Variants in PCDHGB6 observed in about 807,000 individuals in gnomAD.
PCDHGB6 encodes the protein protocadherin gamma-B6.
PCDHGB6 carries 51 observed loss-of-function variants against 59.1 expected under a neutral mutation model. The ratio of observed to expected loss-of-function variants is 0.86; its 90% confidence interval spans 0.69 to 1.09. The LOEUF (loss-of-function observed/expected upper bound fraction) is 1.09, where lower values mean the gene tolerates loss of function less well. PCDHGB6 is among the 50% of genes least tolerant of loss of function. The pLI is 0.00. For missense variants in PCDHGB6, 1,148 were observed against 1,205.1 expected (o/e 0.95, Z 0.70); for synonymous variants, 466 against 495.1 (o/e 0.94, Z 0.78).
At chr5:141,464,096 C>T (rs2099075769) in intron 1 of PCDHGB6, among the ~76,000 whole-genome samples, 1 of 152,016 alleles carries the variant, frequency 6.6e-6, no homozygotes, top group African/African-American at 2.4e-5. Context: ...GAAACTCCGT[C>T]TCTACTAAAA....
intron 1 of PCDHGB6, chr5:141,423,297 C>T: frequency 1.9e-6 from 3 of 1,614,170 alleles, no homozygotes; most frequent in South Asian, 1.1e-5. Flanking sequence ...CCTCAGACCT[C>T]TCGCTGTACT....
Position 141,409,830 on chromosome 5 carries a change from G to T in PCDHGB6, c.1628G>T (p.Ser543Ile). The change falls in exon 1 of 4, where the codon AGC (serine) becomes ATC (isoleucine). Residue 543 changes from serine to isoleucine, a missense_variant. Around this residue, in one of 5 missense-constraint regions of PCDHGB6, gnomAD observed 549 missense variants for 527.5 expected, o/e 1.04. Coordinates refer to ENST00000520790, the MANE Select transcript of PCDHGB6 (RefSeq NM_018926.3). ...QARDHGSPTL[S>I]ANVSLRVLVG... ...CGCGACCACGGCTCGCCCACGCTCA[G>T]CGCCAACGTGAGCCTGCGCGTGTTG... 1 of 1,611,250 alleles carries T rather than the reference G, an allele frequency of 6.2e-7. No individual in the cohort carries two copies. The highest frequency in any genetic ancestry group is 1.1e-5 in the South Asian group (1 of 90,912).
At chr5:141,466,004 C>T (rs1336655723) in intron 1 of PCDHGB6, among the ~76,000 whole-genome samples, 1 of 151,920 alleles carries the variant, frequency 6.6e-6, no homozygotes, top group Non-Finnish European at 1.5e-5. Flanking sequence ...CACCTGTAGT[C>T]CCAGCTACTC....
chr5:141,508,241 T>G (rs1475142426), intron 3 of PCDHGB6: 2 of 152,286 alleles, frequency 1.3e-5, no homozygotes, highest in East Asian at 3.9e-4. Context: ...CTCCTAAGTC[T>G]GCCTCTCCTG....
In PCDHGB6 at chr5:141,408,903, A is replaced by C; in HGVS notation, c.701A>C (p.Asp234Ala). The change falls in exon 1 of 4, where the codon GAT (aspartate) becomes GCT (alanine). Residue 234 changes from aspartate to alanine, a missense_variant. Physicochemically the swap from Asp to Ala is moderately radical, Grantham distance 126. Transcript: ENST00000520790. ...GCTCACATAGAAATTTCTGTCAAGG[A>C]TACCAATGATAACCCCCCGGTTTTC... Reference protein sequence around the residue: ...ATAHIEISVKDTNDNPPVFSR... With the variant: ...ATAHIEISVKATNDNPPVFSR... 1 of 1,613,512 alleles carries C rather than the reference A, an allele frequency of 6.2e-7. No individual in the cohort carries two copies. The highest frequency in any genetic ancestry group is 8.5e-7 in the Non-Finnish European group (1 of 1,179,744).
rs372018713 is a variant in PCDHGB6, at chr5:141,418,097, C to G, written c.2418+7477C>G. ...GAAGCTGCACTTCAGCGTAGACGCG[C>G]AGAGCGGGGACTTACTTGTGAAGGA... On this transcript the variant is annotated intron_variant, in intron 1 of 3. Coordinates refer to ENST00000520790, the MANE Select transcript of PCDHGB6 (RefSeq NM_018926.3). The G allele has an allele frequency of 5.7e-4, 921 of 1,613,980 alleles. 9 individuals are homozygous for G. The South Asian group carries it at 6.8e-3, about 12-fold the overall frequency.
rs757755103 is a variant in PCDHGB6 at position 141,432,638 on chromosome 5, C to T, written c.2418+22018C>T. 1.2e-6 allele frequency: 2 copies of T among 1,613,810 alleles called. No homozygotes were observed. Among genetic ancestry groups the T allele is most frequent in the Non-Finnish European group, 8.5e-7 (1 of 1,179,930 alleles). ...GGTGGGTCTGCACACGGGCGAGGTG[C>T]GCACGGCGCGAGCCCTGCTGGACAG... is the stretch of plus-strand genomic sequence containing the variant. On this transcript the variant is annotated intron_variant, in intron 1 of 3. Transcript: ENST00000520790. The surrounding 1 kb of genome is among the most constrained non-coding windows in gnomAD (Gnocchi z 6.0).
At position 141,491,687 on chromosome 5, in the gene PCDHGB6, G is replaced by T. The variant is rs946829558; in HGVS notation, c.2419-3120G>T. 6.2e-7 allele frequency: 1 copy of T among 1,613,072 alleles called. No individual in the cohort carries two copies. Among genetic ancestry groups the T allele is most frequent in the African/African-American group, 1.3e-5 (1 of 75,046 alleles). On this transcript the variant is annotated intron_variant, in intron 1 of 3. Transcript: ENST00000520790. This position sits in a 1 kb window ranked among gnomAD's most constrained non-coding sequence, Gnocchi z 6.9. ...ATCCGGTCCCGCTCTAATACGCTGC[G>T]GGAGCGGAGCCAGGTGAGGGGCTCG...
intron 1 of PCDHGB6, chr5:141,478,282 G>A: frequency 6.2e-7 from 1 of 1,614,184 alleles, no homozygotes; most frequent in Non-Finnish European, 8.5e-7. Flanking sequence ...AGTGGAAGCA[G>A]TCTAGAGACC....
At chr5:141,413,775 G>T in intron 1 of PCDHGB6, 1 of 1,612,878 alleles carries the variant, frequency 6.2e-7, no homozygotes, top group South Asian at 1.1e-5. Context: ...AGCTGGTACT[G>T]GAGCACTCCC....
chr5:141,412,967 A>G, intron 1 of PCDHGB6: 1 of 520,650 alleles, frequency 1.9e-6, no homozygotes, highest in Non-Finnish European at 3.3e-6. Context: ...CTACTAGGAG[A>G]GAAAACGCAG....
chr5:141,434,566 G>A (rs1280487112), intron 1 of PCDHGB6, among the ~76,000 whole-genome samples: 1 of 152,196 alleles, frequency 6.6e-6, no homozygotes, highest in African/African-American at 2.4e-5. Flanking sequence ...TTAAGGACAT[G>A]CCCCTGCTGC....
At chr5:141,421,873 T>G (rs1219669838) in intron 1 of PCDHGB6, 3 of 1,613,592 alleles carry the variant, frequency 1.9e-6, no homozygotes, top group Non-Finnish European at 2.5e-6. Context: ...CCTCACAGCT[T>G]TAGATGGAGG....
chr5:141,474,687 A>G (rs369586568), intron 1 of PCDHGB6, among the ~76,000 whole-genome samples: 35 of 152,302 alleles, frequency 2.3e-4, no homozygotes, highest in African/African-American at 7.7e-4. Flanking sequence ...CTACCCCTTC[A>G]CTTATGTTCA....
chr5:141,478,204 T>C (rs775367944), intron 1 of PCDHGB6: 7 of 1,613,950 alleles, frequency 4.3e-6, no homozygotes, highest in Middle Eastern at 1.6e-4. Context: ...ATCTACTTCT[T>C]TCTCTAATCC....
intron 1 of PCDHGB6, chr5:141,427,753 T>A (rs745532152): frequency 4.5e-6 from 6 of 1,322,510 alleles, no homozygotes; most frequent in Non-Finnish European, 6.4e-6. Flanking sequence ...TACTCCATCG[T>A]TACCACTGAC....
At chr5:141,417,532 T>TA (rs1457524771) in intron 1 of PCDHGB6, 17 of 284,868 alleles carry the variant, frequency 6.0e-5, no homozygotes, top group Non-Finnish European at 8.4e-5. Context: ...ACTCGTAGTT[T>TA]AAAAAAAATT....
At chr5:141,508,760 T>A (rs1004267844) in intron 3 of PCDHGB6, among the ~76,000 whole-genome samples, 17 of 151,522 alleles carry the variant, frequency 1.1e-4, no homozygotes, top group Admixed American at 1.1e-3. Flanking sequence ...CTCTGGCGCC[T>A]CTGAGGTCCC....
At position 141,489,646 on chromosome 5, in the gene PCDHGB6, C is replaced by A. The variant is rs1274955075; in HGVS notation, c.2419-5161C>A. 1.2e-6 allele frequency: 2 copies of A among 1,614,186 alleles called. No homozygotes were observed. The highest frequency in any genetic ancestry group is 2.7e-5 in the African/African-American group (2 of 75,048). On this transcript the variant is annotated intron_variant, in intron 1 of 3. Coordinates refer to ENST00000520790, the MANE Select transcript of PCDHGB6 (RefSeq NM_018926.3). This position sits in a 1 kb window ranked among gnomAD's most constrained non-coding sequence, Gnocchi z 4.5. Reference sequence around the variant, plus strand: ...TGACAACTCTCCTAGCTTTGCCACCCCTGAGCGAGAGATGCGCATCTCAGA... The same window carrying A: ...TGACAACTCTCCTAGCTTTGCCACCACTGAGCGAGAGATGCGCATCTCAGA...
Sources: allele counts gnomAD v4.1 joint callset (sites outside exome capture counted in the v4.1 genomes callset), GRCh38; gene constraint gnomAD v4.1.1; regional missense constraint gnomAD v4.1.1; non-coding constraint Gnocchi (gnomAD v3.1); transcripts MANE v1.5; gene names NCBI Gene and HGNC (gene_info 2026-07-23, HGNC 2026-07-21).